SEPTIN3: variants seen among roughly 807,000 people sequenced by gnomAD.
SEPTIN3 encodes the protein neuronal-specific septin-3.
SEPTIN3 carries 15 observed loss-of-function variants against 45.1 expected under a neutral mutation model. The ratio of observed to expected loss-of-function variants is 0.33; its 90% confidence interval spans 0.22 to 0.51. The LOEUF is 0.51. Ranked by LOEUF, SEPTIN3 falls within the 20% of genes least tolerant of loss-of-function variation. SEPTIN3 has a pLI of 0.97. For synonymous variants in SEPTIN3, 148 were observed against 164.8 expected, an observed-to-expected ratio of 0.90 and a Z score of 0.78; for missense variants, 289 against 457.2, an observed-to-expected ratio of 0.63 and a Z score of 3.35.
intron 11 of SEPTIN3, chr22:41,995,089 G>C (rs2078407737): frequency 9.0e-7 from 1 of 1,111,878 alleles, no homozygotes; most frequent in South Asian, 2.6e-5. Context: ...CAGGAGATCT[G>C]GGGGAGGTTT....
At chr22:41,987,473 G>A (rs2078228573) in intron 5 of SEPTIN3, 149 bp from the exon 6 acceptor site, 9 of 1,144,996 alleles carry the variant, frequency 7.9e-6, no homozygotes, top group East Asian at 4.9e-5. Context: ...CCATCGGTGC[G>A]GGGGCTGAGG....
Position 41,994,827 on chromosome 22 carries a change from C to G in SEPTIN3, c.2505+113C>G. 1 of 1,602,462 alleles carries G rather than the reference C, an allele frequency of 6.2e-7. No homozygotes were observed. The highest frequency in any genetic ancestry group is 1.1e-5 in the South Asian group (1 of 90,052). On this transcript the variant is annotated intron_variant, in intron 11 of 11. Transcript: ENST00000644076. This position sits in a 1 kb window ranked among gnomAD's most constrained non-coding sequence, Gnocchi z 4.2. ...CATCCCAAATACCACCACCAACCAC[C>G]TTCTTCCTCTCAACTCTGTCCCACA... is the stretch of plus-strand genomic sequence containing the variant.
rs773626694 is a variant in SEPTIN3, at chr22:41,994,627, C to G, written c.2418C>G (p.His806Gln). 6.2e-7 allele frequency: 1 copy of G among 1,614,024 alleles called. No individual in the cohort carries two copies. The highest frequency in any genetic ancestry group is 1.3e-5 in the African/African-American group (1 of 74,918). Residue 806 changes from histidine to glutamine, a missense_variant, in exon 11 of 12, where the codon CAC becomes CAG. His to Gln is a conservative substitution (Grantham distance 24). Coordinates refer to ENST00000644076, the MANE Select transcript of SEPTIN3 (RefSeq NM_001363845.2). This position sits in a 1 kb window ranked among gnomAD's most constrained non-coding sequence, Gnocchi z 4.2. ...ALLRDFVIRT[H>Q]LQDLKEVTHN... is the part of the protein sequence containing the mutation. ...CTCACCCTGTGTCCTCTAGGACCCA[C>G]CTCCAGGACCTCAAGGAAGTGACAC...
intron 2 of SEPTIN3, among the ~76,000 whole-genome samples, chr22:41,975,341 A>G (rs1229168426): frequency 6.6e-6 from 1 of 152,178 alleles, no homozygotes; most frequent in African/African-American, 2.4e-5. Context: ...GGGTCTGGAA[A>G]GGTGCCTAGA....
chr22:41,996,091 C>G (rs1388115671), intron 11 of SEPTIN3: 1 of 985,100 alleles, frequency 1.0e-6, no homozygotes, highest in Non-Finnish European at 1.2e-6. Flanking sequence ...TGTGCTGAAG[C>G]TAATCATATT....
intron 7 of SEPTIN3, 109 bp downstream of exon 7, chr22:41,989,793 C>A: frequency 1.4e-6 from 1 of 714,374 alleles, no homozygotes; most frequent in Non-Finnish European, 2.5e-6. Context: ...CCACCCTCAA[C>A]CCTCCCCCAA....
At chr22:41,991,130 G>T (rs1393660501) in intron 7 of SEPTIN3, among the ~76,000 whole-genome samples, 1 of 152,058 alleles carries the variant, frequency 6.6e-6, no homozygotes, top group Non-Finnish European at 1.5e-5. Context: ...GGTCCTGGAT[G>T]GTTTCCTGGA....
At chr22:41,981,548 G>A in intron 2 of SEPTIN3, 97 bp from the exon 3 acceptor site, 1 of 1,064,764 alleles carries the variant, frequency 9.4e-7, no homozygotes, top group Non-Finnish European at 1.3e-6. Context: ...GCCCAACTTT[G>A]TATGATTCTG....
intron 11 of SEPTIN3, chr22:41,995,750 A>G (rs1303870123): frequency 1.0e-6 from 1 of 983,340 alleles, no homozygotes; most frequent in African/African-American, 1.7e-5. Context: ...TCTGTAGTCA[A>G]GCACCTGAAC....
At position 41,971,533 on chromosome 22, in the gene SEPTIN3, C is replaced by T. The variant is rs773006308; in HGVS notation, c.41C>T (p.Ser14Leu). The T allele has an allele frequency of 1.0e-5, 4 of 399,052 alleles. No homozygotes were observed. Among genetic ancestry groups the T allele is most frequent in the East Asian group, 3.6e-5 (1 of 28,090 alleles). The allele number at this position is 399,052 out of a possible 1,614,324, so 24.7% of individuals were successfully genotyped here. Reference sequence around the variant, plus strand: ...GCTCCTGCTCCTCCAGAGATGCAGTCGCATGGAGCTCCAGGCCCGGGAACC... The same window carrying T: ...GCTCCTGCTCCTCCAGAGATGCAGTTGCATGGAGCTCCAGGCCCGGGAACC... ...NFAPAPPEMQ[S>L]HGAPGPGTSF... The change falls in exon 2 of 12, where the codon TCG (serine) becomes TTG (leucine). Residue 14 changes from serine to leucine, a missense_variant. Coordinates refer to ENST00000644076, the MANE Select transcript of SEPTIN3 (RefSeq NM_001363845.2).
intron 2 of SEPTIN3, among the ~76,000 whole-genome samples, chr22:41,974,346 G>A (rs2077992181): frequency 6.6e-6 from 1 of 151,964 alleles, no homozygotes; most frequent in African/African-American, 2.4e-5. Flanking sequence ...TAAGGCGGGT[G>A]GATCACGAGG....
Position 41,997,207 on chromosome 22 carries a change from C to A in SEPTIN3, c.*240C>A. On this transcript the variant is annotated 3_prime_UTR_variant, in exon 12 of 12. Coordinates refer to ENST00000644076, the MANE Select transcript of SEPTIN3 (RefSeq NM_001363845.2). ...AGCCCTACTGCATCATCTGCGTCAG[C>A]CGGTCCTAGCCCATCTGCAGGGTGA... The A allele has an allele frequency of 1.5e-6, 1 of 653,774 alleles. No homozygotes were observed. Among genetic ancestry groups the A allele is most frequent in the East Asian group, 3.1e-5 (1 of 32,056 alleles). 40.5% of individuals were successfully genotyped at this position (653,774 alleles called of 1,614,324 possible).
chr22:41,972,158 C>A lies in SEPTIN3; in HGVS notation c.666C>A (p.Asp222Glu), dbSNP rs971618905. Reference sequence around the variant, plus strand: ...AGGGGCACCTTGTCTCAGTGACTGACCACATGCCTACCAGAGCTTCTCCAG... The same window carrying A: ...AGGGGCACCTTGTCTCAGTGACTGAACACATGCCTACCAGAGCTTCTCCAG... ...LGQGHLVSVT[D>E]HMPTRASPGK... Residue 222 changes from aspartate to glutamate, a missense_variant, in exon 2 of 12, where the codon GAC (aspartate) becomes GAA (glutamate). Physicochemically the swap from Asp to Glu is conservative, Grantham distance 45. This residue lies in a region of SEPTIN3 where 200 missense variants were observed against 315.1 expected (regional missense o/e 0.63). Coordinates refer to ENST00000644076, the MANE Select transcript of SEPTIN3 (RefSeq NM_001363845.2). 3.3e-5 allele frequency: 13 copies of A among 399,046 alleles called. No individual in the cohort carries two copies. Among genetic ancestry groups the A allele is most frequent in the African/African-American group, 2.7e-4 (13 of 48,632 alleles). The allele number at this position is 399,046 out of a possible 1,614,324, so 24.7% of individuals were successfully genotyped here.
intron 2 of SEPTIN3, chr22:41,977,086 G>C: frequency 6.3e-7 from 1 of 1,595,672 alleles, no homozygotes; most frequent in Non-Finnish European, 8.5e-7. Context: ...TAGGGCGGCC[G>C]GCCAGGCCAC....
rs561736297 is a variant in SEPTIN3, at chr22:41,972,223, G to A, written c.731G>A (p.Arg244Gln). The change falls in exon 2 of 12, where the codon CGG (arginine) becomes CAG (glutamine). Residue 244 changes from arginine (R) to glutamine (Q), a missense_variant. Physicochemically the swap from Arg to Gln is conservative, Grantham distance 43. This residue lies in a region of SEPTIN3 where 200 missense variants were observed against 315.1 expected (regional missense o/e 0.63). Transcript: ENST00000644076. ...CGGGCCAGGGGGATCCCCAGACCCCGGGGGCGTCTCCAAAGGGCCAACACG... is the reference window on the plus strand; with the variant it reads ...CGGGCCAGGGGGATCCCCAGACCCCAGGGGCGTCTCCAAAGGGCCAACACG... Reference protein sequence around the residue: ...KPRARGIPRPRGRLQRANTTV... With the variant: ...KPRARGIPRPQGRLQRANTTV... 8 of 399,110 alleles carry A rather than the reference G, an allele frequency of 2.0e-5. No individual in the cohort carries two copies. The South Asian group carries it at 3.8e-4, about 19-fold the overall frequency. The allele number at this position is 399,110 out of a possible 1,614,324, so 24.7% of individuals were successfully genotyped here. A position where few individuals can be genotyped will look rare whatever the true frequency, so the allele number is the denominator to read the frequency against.
At chr22:41,987,881 C>T in intron 6 of SEPTIN3, 122 bp downstream of exon 6, 1 of 981,450 alleles carries the variant, frequency 1.0e-6, no homozygotes, top group Non-Finnish European at 1.5e-6. Flanking sequence ...CTAGCCCTTC[C>T]AGCCAGATGG....
intron 2 of SEPTIN3, among the ~76,000 whole-genome samples, chr22:41,981,108 A>G (rs1373812112): frequency 1.3e-5 from 2 of 152,148 alleles, no homozygotes; most frequent in Admixed American, 6.6e-5. Context: ...TTATTCGGGG[A>G]GGGAGGCATG....
chr22:41,995,236 C>A, intron 11 of SEPTIN3: 1 of 992,712 alleles, frequency 1.0e-6, no homozygotes, highest in Non-Finnish European at 1.2e-6. Context: ...GAGTTCAGGA[C>A]AACCCTCCTG....
chr22:41,994,909 G>A lies in SEPTIN3; in HGVS notation c.2505+195G>A. On this transcript the variant is annotated intron_variant, in intron 11 of 11. Coordinates refer to ENST00000644076, the MANE Select transcript of SEPTIN3 (RefSeq NM_001363845.2). The surrounding 1 kb of genome is among the most constrained non-coding windows in gnomAD (Gnocchi z 4.2). Reference sequence around the variant, plus strand: ...TGTGTGTGTGTGTGTGTGTGTGTGTGTGTGTGTGTGTGTGACAGAGAGAGA... The same window carrying A: ...TGTGTGTGTGTGTGTGTGTGTGTGTATGTGTGTGTGTGTGACAGAGAGAGA... The A allele has an allele frequency of 7.4e-6, 11 of 1,485,126 alleles. No individual in the cohort carries two copies. The highest frequency in any genetic ancestry group is 1.3e-5 in the South Asian group (1 of 75,092). The allele number at this position is 1,485,126 out of a possible 1,614,324, so 92.0% of individuals were successfully genotyped here. A position where few individuals can be genotyped will look rare whatever the true frequency, so the allele number is the denominator to read the frequency against.
Sources: gnomAD v4.1 joint callset for allele counts (sites outside exome capture counted in the v4.1 genomes callset) on GRCh38, gnomAD v4.1.1 for gene constraint, gnomAD v4.1.1 regional missense constraint, Gnocchi (gnomAD v3.1) non-coding constraint, MANE v1.5 for transcripts, NCBI Gene and HGNC (gene_info 2026-07-23, HGNC 2026-07-21) for gene names.